CHSY3: variants seen among roughly 807,000 people sequenced by gnomAD.
The protein encoded by CHSY3 is N-acetylgalactosaminyl-proteoglycan 3-beta-glucuronosyltransferase 3.
A neutral mutation model predicts 67.2 loss-of-function variants in CHSY3; 35 were observed. The observed-to-expected ratio is 0.52, with a 90% CI of 0.40 to 0.69. The LOEUF is 0.69. Among genes scored for constraint, CHSY3 ranks in the 30% least tolerant of loss-of-function variants. CHSY3 has a pLI of 0.00. For synonymous variants in CHSY3, 474 were observed against 434.7 expected, an observed-to-expected ratio of 1.09 and a Z score of -1.12; for missense variants, 1,069 against 1,138.5, an observed-to-expected ratio of 0.94 and a Z score of 0.88.
chr5:129,935,458 T>C (rs1440015899), intron 2 of CHSY3, among the ~76,000 whole-genome samples: 1 of 152,152 alleles, frequency 6.6e-6, no homozygotes, highest in Non-Finnish European at 1.5e-5. Flanking sequence ...TAGTCATCCC[T>C]TAGAAAGGTT....
chr5:130,156,185 A>G (rs1180270371), intron 2 of CHSY3, among the ~76,000 whole-genome samples: 1 of 152,216 alleles, frequency 6.6e-6, no homozygotes, highest in Non-Finnish European at 1.5e-5. Context: ...CCTTTTAAAG[A>G]GAGACGTTCA....
chr5:130,090,416 T>G (rs1766841582), intron 2 of CHSY3, among the ~76,000 whole-genome samples: 1 of 152,186 alleles, frequency 6.6e-6, no homozygotes, highest in Non-Finnish European at 1.5e-5. Context: ...CTACCAGTGC[T>G]TCCACACTAG....
intron 2 of CHSY3, among the ~76,000 whole-genome samples, chr5:130,158,660 A>G (rs938013142): frequency 2.0e-5 from 3 of 152,200 alleles, no homozygotes; most frequent in Admixed American, 1.3e-4. Context: ...CTAAGTGGTG[A>G]CCTTTTATAA....
At chr5:129,910,859 A>C (rs1028711138) in intron 2 of CHSY3, among the ~76,000 whole-genome samples, 2 of 152,170 alleles carry the variant, frequency 1.3e-5, no homozygotes, top group South Asian at 4.1e-4. Context: ...TCTGCTCATT[A>C]AAAAAGCTAT....
chr5:130,079,839 A>C (rs1766389069), intron 2 of CHSY3, among the ~76,000 whole-genome samples: 1 of 152,132 alleles, frequency 6.6e-6, no homozygotes, highest in African/African-American at 2.4e-5. Flanking sequence ...TATCAGAAAC[A>C]AGGAAGTTTG....
chr5:130,123,020 T>A (rs1768101869), intron 2 of CHSY3, among the ~76,000 whole-genome samples: 1 of 151,986 alleles, frequency 6.6e-6, no homozygotes, highest in East Asian at 1.9e-4. Flanking sequence ...TTAGAATTCA[T>A]CCTATTGGCC....
chr5:130,028,940 C>T (rs988651476), intron 2 of CHSY3, among the ~76,000 whole-genome samples: 7 of 151,816 alleles, frequency 4.6e-5, no homozygotes, highest in Admixed American at 3.3e-4. Flanking sequence ...TCCTCACCAC[C>T]TCATATCTCT....
At chr5:130,053,880 G>A (rs1035093260) in intron 2 of CHSY3, among the ~76,000 whole-genome samples, 1 of 151,990 alleles carries the variant, frequency 6.6e-6, no homozygotes, top group Non-Finnish European at 1.5e-5. Flanking sequence ...AAATATAAAT[G>A]CCTCATAAAT....
At chr5:129,976,151 C>T (rs1189244961) in intron 2 of CHSY3, among the ~76,000 whole-genome samples, 1 of 152,042 alleles carries the variant, frequency 6.6e-6, no homozygotes, top group Non-Finnish European at 1.5e-5. Context: ...CCTTAGATCC[C>T]CACAGACCCT....
At chr5:129,938,680 C>T (rs1453500163) in intron 2 of CHSY3, among the ~76,000 whole-genome samples, 1 of 152,194 alleles carries the variant, frequency 6.6e-6, no homozygotes, top group African/African-American at 2.4e-5. Context: ...AGTCTCTTTG[C>T]TAAAGCATAA....
chr5:129,961,984 C>A (rs1337689317), intron 2 of CHSY3, among the ~76,000 whole-genome samples: 2 of 151,990 alleles, frequency 1.3e-5, no homozygotes, highest in Non-Finnish European at 2.9e-5. Flanking sequence ...ACTATCCATA[C>A]CTGCAGCCAA....
chr5:129,952,904 T>C (rs1762063720), intron 2 of CHSY3, among the ~76,000 whole-genome samples: 1 of 152,192 alleles, frequency 6.6e-6, no homozygotes, highest in Non-Finnish European at 1.5e-5. Context: ...ATTTTTAAAA[T>C]TGTATGGCAA....
chr5:130,076,576 T>G (rs185500174), intron 2 of CHSY3, among the ~76,000 whole-genome samples: 1 of 152,044 alleles, frequency 6.6e-6, no homozygotes, highest in East Asian at 1.9e-4. Flanking sequence ...GAGATTAATA[T>G]TTTTTTAAAT....
intron 2 of CHSY3, among the ~76,000 whole-genome samples, chr5:130,125,416 C>CAGATAGATAGATAGATAGATAGATAGAT (rs202095756): frequency 1.1e-4 from 15 of 140,996 alleles, no homozygotes; most frequent in African/African-American, 2.7e-4. Flanking sequence ...GATCCTGTCT[C>CAGATAGATAGATAGATAGATAGATAGAT]AGATAGATAG....
At chr5:129,955,026 A>G (rs1762130670) in intron 2 of CHSY3, among the ~76,000 whole-genome samples, 1 of 151,466 alleles carries the variant, frequency 6.6e-6, no homozygotes, top group African/African-American at 2.4e-5. Context: ...ATGCCACAAT[A>G]CTCTGCTAAT....
chr5:129,937,464 A>G (rs989967377), intron 2 of CHSY3, among the ~76,000 whole-genome samples: 1 of 152,142 alleles, frequency 6.6e-6, no homozygotes, highest in African/African-American at 2.4e-5. Context: ...CACAGAGCCA[A>G]ACCATATTAT....
intron 2 of CHSY3, among the ~76,000 whole-genome samples, chr5:129,984,292 A>T (rs1763107092): frequency 6.6e-6 from 1 of 152,056 alleles, no homozygotes; most frequent in African/African-American, 2.4e-5. Flanking sequence ...TTGGTTTTCT[A>T]TTCCTGTGTT....
intron 2 of CHSY3, among the ~76,000 whole-genome samples, chr5:130,023,320 T>C (rs748506865): frequency 2.0e-5 from 3 of 151,990 alleles, no homozygotes; most frequent in Non-Finnish European, 4.4e-5. Flanking sequence ...TTTTTGAGAA[T>C]ACATTTCTTC....
At chr5:129,995,198 A>T (rs953438303) in intron 2 of CHSY3, among the ~76,000 whole-genome samples, 14 of 152,150 alleles carry the variant, frequency 9.2e-5, no homozygotes, top group African/African-American at 3.4e-4. Context: ...GTTATTAAAC[A>T]TAGTTTTATG....
Sources: gnomAD v4.1 joint callset for allele counts (sites outside exome capture counted in the v4.1 genomes callset) on GRCh38, gnomAD v4.1.1 for gene constraint, MANE v1.5 for transcripts, NCBI Gene and HGNC (gene_info 2026-07-23, HGNC 2026-07-21) for gene names.